The following CCDC7 variants were observed in gnomAD, a reference collection of about 807,000 sequenced individuals.
CCDC7 encodes the protein coiled-coil domain containing 7.
In CCDC7, 183 loss-of-function variants were observed where a neutral mutation model predicts 196.9. The observed-to-expected ratio is 0.93, with a 90% CI of 0.82 to 1.05. The LOEUF is 1.05. CCDC7 is among the 50% of genes least tolerant of loss of function. The pLI, the probability that CCDC7 is intolerant of heterozygous loss-of-function variation, is 0.00. For synonymous variants in CCDC7, 525 were observed against 484.6 expected (o/e 1.08, Z -1.10); for missense variants, 1,540 against 1,482.2 (o/e 1.04, Z -0.64).
At chr10:32,658,355 A>G (rs1212972055) in intron 20 of CCDC7, among the ~76,000 whole-genome samples, 1 of 152,212 alleles carries the variant, frequency 6.6e-6, no homozygotes. Flanking sequence ...AAAACTTACA[A>G]TTATGGTGGA....
At chr10:32,499,691 G>C (rs1412324991) in intron 9 of CCDC7, among the ~76,000 whole-genome samples, 1 of 151,886 alleles carries the variant, frequency 6.6e-6, no homozygotes, top group African/African-American at 2.4e-5. Context: ...GTGGAGGGAA[G>C]GTCAGCAGAT....
exon 17 of CCDC7, chr10:32,583,122 A>G: frequency 1.6e-6 from 2 of 1,231,540 alleles, no homozygotes; most frequent in South Asian, 4.1e-5. Context: ...AGAGAGTTCA[A>G]ATGAAGTTTC....
chr10:32,529,134 G>C (rs2049221351), intron 11 of CCDC7, among the ~76,000 whole-genome samples: 1 of 152,058 alleles, frequency 6.6e-6, no homozygotes, highest in African/African-American at 2.4e-5. Context: ...TGATTCTCCT[G>C]CCTTGGCCTC....
chr10:32,737,628 G>C (rs2085079266), intron 28 of CCDC7, among the ~76,000 whole-genome samples: 1 of 152,120 alleles, frequency 6.6e-6, no homozygotes, highest in Non-Finnish European at 1.5e-5. Context: ...TGGTACTGAA[G>C]GCTGCAAATA....
intron 11 of CCDC7, among the ~76,000 whole-genome samples, chr10:32,521,906 A>G (rs750427728): frequency 1.3e-5 from 2 of 152,178 alleles, no homozygotes; most frequent in African/African-American, 2.4e-5. Context: ...GATTTTTATC[A>G]TGAAGGGATG....
intron 15 of CCDC7, among the ~76,000 whole-genome samples, chr10:32,571,425 T>C (rs183525324): frequency 1.3e-5 from 2 of 152,302 alleles, no homozygotes; most frequent in Admixed American, 1.3e-4. Flanking sequence ...ATATATAGTA[T>C]TAGCATTATA....
At chr10:32,621,604 A>T (rs2063420287) in intron 18 of CCDC7, among the ~76,000 whole-genome samples, 1 of 152,124 alleles carries the variant, frequency 6.6e-6, no homozygotes, top group Non-Finnish European at 1.5e-5. Flanking sequence ...TCTGAATCTG[A>T]AGGCCTGAGA....
At chr10:32,747,381 T>C (rs2074954306) in intron 28 of CCDC7, among the ~76,000 whole-genome samples, 1 of 152,046 alleles carries the variant, frequency 6.6e-6, no homozygotes, top group Non-Finnish European at 1.5e-5. Context: ...CTAATTAAAT[T>C]AAGGAGCTTC....
At chr10:32,642,377 C>T (rs918349764) in intron 20 of CCDC7, among the ~76,000 whole-genome samples, 45 of 152,310 alleles carry the variant, frequency 3.0e-4, no homozygotes, top group African/African-American at 9.6e-4. Flanking sequence ...GCCTGGCTGC[C>T]GCCTTGCAGT....
chr10:32,819,282 G>A (rs1593102467), intron 31 of CCDC7, among the ~76,000 whole-genome samples: 1 of 152,156 alleles, frequency 6.6e-6, no homozygotes, highest in African/African-American at 2.4e-5. Context: ...TTAAATCTCT[G>A]AATAGACCAA....
intron 8 of CCDC7, among the ~76,000 whole-genome samples, chr10:32,480,473 C>T (rs2039763392): frequency 6.6e-6 from 1 of 152,156 alleles, no homozygotes. Flanking sequence ...AAGTGTGGGA[C>T]ACTGTGCCCA....
At chr10:32,544,413 T>G in intron 13 of CCDC7, 112 bp downstream of exon 14, 20 of 1,053,336 alleles carry the variant, frequency 1.9e-5, no homozygotes, top group Non-Finnish European at 2.6e-5. Context: ...TGTCTGTGTG[T>G]GTGTATGTGT....
At chr10:32,826,045 A>G (rs1165898739) in intron 32 of CCDC7, among the ~76,000 whole-genome samples, 1 of 152,164 alleles carries the variant, frequency 6.6e-6, no homozygotes, top group Non-Finnish European at 1.5e-5. Flanking sequence ...TCTTTGTCTG[A>G]GGAGATAAAC....
At chr10:32,536,891 G>T (rs973373352) in intron 11 of CCDC7, among the ~76,000 whole-genome samples, 1 of 152,082 alleles carries the variant, frequency 6.6e-6, no homozygotes, top group African/African-American at 2.4e-5. Flanking sequence ...TCTTTATCCA[G>T]CCCACCGTTG....
intron 41 of CCDC7, among the ~76,000 whole-genome samples, chr10:32,874,917 A>G (rs2094555139): frequency 2.0e-5 from 3 of 151,736 alleles, no homozygotes; most frequent in Admixed American, 1.3e-4. Flanking sequence ...TAGAATTTTT[A>G]TGGTTTCAGG....
chr10:32,548,386 G>T (rs552035943), intron 13 of CCDC7, among the ~76,000 whole-genome samples: 12 of 152,124 alleles, frequency 7.9e-5, no homozygotes, highest in African/African-American at 2.7e-4. Flanking sequence ...GACTCAGGAC[G>T]GAGCAGGTGA....
At chr10:32,662,242 G>A (rs2071636894) in intron 20 of CCDC7, among the ~76,000 whole-genome samples, 1 of 152,266 alleles carries the variant, frequency 6.6e-6, no homozygotes, top group Non-Finnish European at 1.5e-5. Context: ...GGGAGGGATG[G>A]CATTAGCAAT....
intron 20 of CCDC7, among the ~76,000 whole-genome samples, chr10:32,648,070 T>A (rs1327113064): frequency 6.6e-6 from 1 of 152,228 alleles, no homozygotes; most frequent in African/African-American, 2.4e-5. Context: ...TCTAGCATCA[T>A]TTATTGAATT....
At chr10:32,879,127 C>T (rs2094695648), downstream of CCDC7, among the ~76,000 whole-genome samples, 1 of 151,902 alleles carries the variant, frequency 6.6e-6, no homozygotes, top group African/African-American at 2.4e-5. Context: ...AAACGTGTGC[C>T]ATCGTGGTTT....
Sources: gnomAD v4.1 joint callset for allele counts (sites outside exome capture counted in the v4.1 genomes callset) on GRCh38, gnomAD v4.1.1 for gene constraint, MANE v1.5 for transcripts, NCBI Gene and HGNC (gene_info 2026-07-23, HGNC 2026-07-21) for gene names.